PITPNC1: variants seen among roughly 807,000 people sequenced by gnomAD.
PITPNC1 encodes cytoplasmic phosphatidylinositol transfer protein 1.
PITPNC1 carries 18 observed loss-of-function variants against 44.7 expected under a neutral mutation model. That is an observed-to-expected ratio of 0.40 (90% CI 0.28 to 0.60). The LOEUF (loss-of-function observed/expected upper bound fraction) is 0.60. PITPNC1 is among the 20% of genes least tolerant of loss of function. The probability of loss-of-function intolerance (pLI) is 0.39; values close to 1 mark genes in which losing one functional copy is unlikely to be tolerated. For missense variants in PITPNC1, 290 were observed against 418.4 expected (o/e 0.69, Z 2.68); for synonymous variants, 141 against 149.6 (o/e 0.94, Z 0.42).
intron 5 of PITPNC1, among the ~76,000 whole-genome samples, chr17:67,625,101 A>T (rs1407097128): frequency 6.6e-6 from 1 of 152,124 alleles, no homozygotes; most frequent in African/African-American, 2.4e-5. Context: ...AGTCAACCAG[A>T]TTGACACCAA....
chr17:67,666,484 C>T (rs369679133), intron 6 of PITPNC1, among the ~76,000 whole-genome samples: 18 of 152,076 alleles, frequency 1.2e-4, no homozygotes, highest in African/African-American at 3.9e-4. Context: ...GAGGCTGGTC[C>T]GGAAAAGATG....
chr17:67,484,248 C>T (rs1478775439), intron 1 of PITPNC1, among the ~76,000 whole-genome samples: 1 of 152,134 alleles, frequency 6.6e-6, no homozygotes, highest in Non-Finnish European at 1.5e-5. Flanking sequence ...ATTCCATTTT[C>T]TTGCCTGTGA....
chr17:67,464,613 C>G (rs180931625), intron 1 of PITPNC1, among the ~76,000 whole-genome samples: 4 of 152,272 alleles, frequency 2.6e-5, no homozygotes, highest in Admixed American at 2.6e-4. Context: ...ATCTGAAATA[C>G]AGTGGACCAG....
intron 5 of PITPNC1, among the ~76,000 whole-genome samples, chr17:67,579,938 C>A (rs1249900464): frequency 8.8e-4 from 119 of 134,772 alleles, no homozygotes; most frequent in East Asian, 8.8e-4. Context: ...GACTCTGTCT[C>A]AAAAAAAAAA....
Position 67,578,399 on chromosome 17 carries a change from G to T in PITPNC1, c.366+142G>T, listed in dbSNP as rs916005678. 543 of 624,990 alleles carry T rather than the reference G, an allele frequency of 8.7e-4. 3 individuals are homozygous for T. Among genetic ancestry groups the T allele is most frequent in the Non-Finnish European group, 2.0e-4 (70 of 350,852 alleles). The allele number at this position is 624,990 out of a possible 1,614,324, so 38.7% of individuals were successfully genotyped here. A position where few individuals can be genotyped will look rare whatever the true frequency, so the allele number is the denominator to read the frequency against. On this transcript the variant is annotated intron_variant, in intron 5 of 8. Transcript: ENST00000581322. Reference sequence around the variant, plus strand: ...GATGTTCTGGCCTTTGGCTTCTGAGGGTTATTTCCCTGGGACTTTTCCCTG... The same window carrying T: ...GATGTTCTGGCCTTTGGCTTCTGAGTGTTATTTCCCTGGGACTTTTCCCTG...
Position 67,692,996 on chromosome 17 carries a change from C to A in PITPNC1, c.*108C>A. On this transcript the variant is annotated 3_prime_UTR_variant, in exon 9 of 9. Transcript: ENST00000581322. ...ACTGCTTTGTCACTCAAACATGTTCCTTCGACCTTTCAGTGTGCATGTGAC... is the reference window on the plus strand; with the variant it reads ...ACTGCTTTGTCACTCAAACATGTTCATTCGACCTTTCAGTGTGCATGTGAC... 2 of 722,762 alleles carry A rather than the reference C, an allele frequency of 2.8e-6. No homozygotes were observed. The highest frequency in any genetic ancestry group is 4.6e-6 in the Non-Finnish European group (2 of 430,214). The allele number at this position is 722,762 out of a possible 1,614,324, so 44.8% of individuals were successfully genotyped here.
chr17:67,461,236 CA>C (rs950290044), intron 1 of PITPNC1, among the ~76,000 whole-genome samples: 1 of 152,204 alleles, frequency 6.6e-6, no homozygotes, highest in Non-Finnish European at 1.5e-5. Flanking sequence ...TCAGATTTCT[CA>C]AATGAGAAGT....
intron 6 of PITPNC1, among the ~76,000 whole-genome samples, chr17:67,666,709 C>T (rs557297130): frequency 6.6e-6 from 1 of 152,140 alleles, no homozygotes; most frequent in Non-Finnish European, 1.5e-5. Flanking sequence ...GAAGGCCTGG[C>T]GTCAGCTGGC....
chr17:67,678,775 C>T (rs375846568), intron 8 of PITPNC1, among the ~76,000 whole-genome samples: 51 of 152,334 alleles, frequency 3.3e-4, no homozygotes, highest in African/African-American at 1.1e-3. Context: ...ACCAGCATTA[C>T]CCTTCCACTC....
At chr17:67,491,517 G>A (rs1366749696) in intron 1 of PITPNC1, among the ~76,000 whole-genome samples, 4 of 152,158 alleles carry the variant, frequency 2.6e-5, no homozygotes, top group African/African-American at 7.2e-5. Context: ...CAGAGCACAC[G>A]CACGCTGATG....
intron 6 of PITPNC1, among the ~76,000 whole-genome samples, chr17:67,665,614 T>C (rs1438801372): frequency 1.3e-5 from 2 of 152,238 alleles, no homozygotes; most frequent in African/African-American, 4.8e-5. Context: ...AGAATTTAAC[T>C]AGTCTTTCAC....
intron 1 of PITPNC1, among the ~76,000 whole-genome samples, chr17:67,446,546 G>A (rs531715610): frequency 1.3e-4 from 20 of 149,504 alleles, no homozygotes; most frequent in Admixed American, 6.0e-4. Context: ...TTTATGCTAC[G>A]AGAAATAGAA....
rs531501995 is a variant in PITPNC1, at chr17:67,402,705, C to T, written c.48+24503C>T. Reference sequence around the variant, plus strand: ...TTTTTGAGTTGGAGTCTCGCTTTGTCGCCCAGGCTGGAGTGCAGTGGCGCA... The same window carrying T: ...TTTTTGAGTTGGAGTCTCGCTTTGTTGCCCAGGCTGGAGTGCAGTGGCGCA... On this transcript the variant is annotated intron_variant, in intron 1 of 8. Coordinates refer to ENST00000581322, the MANE Select transcript of PITPNC1 (RefSeq NM_012417.4). Among the ~76,000 whole-genome samples the T allele has an allele frequency of 2.6e-5, 4 of 152,282 alleles. No homozygotes were observed. In the South Asian group the frequency reaches 8.3e-4, roughly 32 times the overall value.
chr17:67,424,119 A>T (rs1460773065), intron 1 of PITPNC1, among the ~76,000 whole-genome samples: 1 of 147,660 alleles, frequency 6.8e-6, no homozygotes, highest in African/African-American at 2.5e-5. Context: ...AGAGTTGAGG[A>T]TGAGGAGCTC....
Position 67,684,113 on chromosome 17 carries a change from A to ATTTT in PITPNC1, c.683-8446_683-8443dup, listed in dbSNP as rs35849301. Among the ~76,000 whole-genome samples, 12 of 135,886 alleles carry ATTTT rather than the reference A, an allele frequency of 8.8e-5. 1 individual carries two copies. Among genetic ancestry groups the ATTTT allele is most frequent in the South Asian group, 2.3e-4 (1 of 4,286 alleles). The allele number at this position is 135,886 out of a possible 152,430, so 89.1% of individuals were successfully genotyped here. A position where few individuals can be genotyped will look rare whatever the true frequency, so the allele number is the denominator to read the frequency against. ...ATCTCATAATGATCCAAAATAACAA[A>ATTTT]TTTTTTTTTTTTTTTTGAGACAGAG... is the stretch of plus-strand genomic sequence containing the variant. On this transcript the variant is annotated intron_variant, in intron 8 of 8. Coordinates refer to ENST00000581322, the MANE Select transcript of PITPNC1 (RefSeq NM_012417.4).
intron 1 of PITPNC1, among the ~76,000 whole-genome samples, chr17:67,419,277 C>T (rs562538472): frequency 6.6e-6 from 1 of 152,224 alleles, no homozygotes; most frequent in African/African-American, 2.4e-5. Context: ...AATGGAAGCT[C>T]TCCCAATGGT....
At chr17:67,408,806 G>A (rs1025740206) in intron 1 of PITPNC1, 1 of 149,922 alleles carries the variant, frequency 6.7e-6, no homozygotes, top group African/African-American at 2.5e-5. Flanking sequence ...AAGAAAGGGG[G>A]AAAGAATAGA....
chr17:67,566,927 G>A (rs543712522), intron 4 of PITPNC1, among the ~76,000 whole-genome samples: 1 of 152,334 alleles, frequency 6.6e-6, no homozygotes, highest in South Asian at 2.1e-4. Flanking sequence ...TGCATTTGTT[G>A]TGTGACTTAC....
chr17:67,582,949 CTACTT>C (rs1236427746), intron 5 of PITPNC1, among the ~76,000 whole-genome samples: 4 of 152,178 alleles, frequency 2.6e-5, no homozygotes, highest in African/African-American at 9.7e-5. Flanking sequence ...GGCAGCCTTG[CTACTT>C]TACTTCCTCT....
Sources: allele counts gnomAD v4.1 joint callset (sites outside exome capture counted in the v4.1 genomes callset), GRCh38; gene constraint gnomAD v4.1.1; transcripts MANE v1.5; gene names NCBI Gene and HGNC (gene_info 2026-07-23, HGNC 2026-07-21).